The following LRAT variants were observed in gnomAD, a reference collection of about 807,000 sequenced individuals.
The protein encoded by LRAT is lecithin retinol acyltransferase.
In LRAT, 11 loss-of-function variants were observed where a neutral mutation model predicts 14.2. The ratio of observed to expected loss-of-function variants is 0.78; its 90% CI spans 0.49 to 1.29. LRAT has a LOEUF of 1.29. LRAT is among the 50% of genes most tolerant of loss of function. The pLI is 0.00. For synonymous variants in LRAT, 144 were observed against 124.8 expected (o/e 1.15, Z -1.03); for missense variants, 274 against 292.4 (o/e 0.94, Z 0.46).
Position 154,751,950 on chromosome 4 carries a change from C to G in LRAT, c.*2814C>G, listed in dbSNP as rs1438118907. ...GAAGTTTTTTCATGCTTATTTTATT[C>G]TTTGTCACAGATGAAAGAAGAATAG... On this transcript the variant is annotated 3_prime_UTR_variant, in exon 3 of 3. Transcript: ENST00000336356. 1 of 151,912 alleles carries G rather than the reference C, an allele frequency of 6.6e-6. No homozygotes were observed. Among genetic ancestry groups the G allele is most frequent in the Non-Finnish European group, 1.5e-5 (1 of 67,990 alleles). 9.4% of individuals were successfully genotyped at this position (151,912 alleles called of 1,614,324 possible).
rs1027617025 is a variant in LRAT at position 154,752,410 on chromosome 4, G to C, written c.*3274G>C. The C allele has an allele frequency of 6.6e-6, 1 of 152,334 alleles. No individual in the cohort carries two copies. The highest frequency in any genetic ancestry group is 1.5e-5 in the Non-Finnish European group (1 of 68,138). The allele number at this position is 152,334 out of a possible 1,614,324, so 9.4% of individuals were successfully genotyped here. ...GGTTCAGGGGCCAGCGCAGAGCAGA[G>C]TGCTGAGTAAAGATGTCAGAAAAGG... On this transcript the variant is annotated 3_prime_UTR_variant, in exon 3 of 3. Transcript: ENST00000336356.
rs745880790 is a variant in LRAT, at chr4:154,744,336, C to G, written c.10C>G (p.Pro4Ala). MKN[P>A]MLEVVSLLLE... ...CCCTCTTCCCTGCAGGATGAAGAAC[C>G]CCATGCTGGAGGTGGTGTCTTTACT... is the stretch of plus-strand genomic sequence containing the variant. Residue 4 changes from proline (P) to alanine (A), a missense_variant, in exon 2 of 3, where the codon CCC becomes GCC. Pro to Ala is a conservative substitution (Grantham distance 27). Coordinates refer to ENST00000336356, the MANE Select transcript of LRAT (RefSeq NM_004744.5). The G allele has an allele frequency of 6.2e-7, 1 of 1,614,010 alleles. No individual in the cohort carries two copies. The highest frequency in any genetic ancestry group is 1.3e-5 in the African/African-American group (1 of 74,952).
rs1732942440 is a variant in LRAT at position 154,749,228 on chromosome 4, G to A, written c.*92G>A. 2.2e-6 allele frequency: 3 copies of A among 1,364,822 alleles called. No individual in the cohort carries two copies. The highest frequency in any genetic ancestry group is 3.1e-6 in the Non-Finnish European group (3 of 957,576). The allele number at this position is 1,364,822 out of a possible 1,614,324, so 84.5% of individuals were successfully genotyped here. On this transcript the variant is annotated 3_prime_UTR_variant, in exon 3 of 3. Transcript: ENST00000336356. ...CAATATAAGCATTATTGAGAAAAAT[G>A]TGACCCGTAACACTGTGTTCTGGAT...
At position 154,749,449 on chromosome 4, in the gene LRAT, T is replaced by TC. The variant is rs878994023; in HGVS notation, c.*314dup. On this transcript the variant is annotated 3_prime_UTR_variant, in exon 3 of 3. Transcript: ENST00000336356. Reference sequence around the variant, plus strand: ...ACAAGAGATTAATTGTGTTTTTTTTTCTCCTGTAATCCTTGTACTGTTCGG... The same window carrying TC: ...ACAAGAGATTAATTGTGTTTTTTTTTCCTCCTGTAATCCTTGTACTGTTCGG... 16 of 345,022 alleles carry TC rather than the reference T, an allele frequency of 4.6e-5. No homozygotes were observed. Among genetic ancestry groups the TC allele is most frequent in the South Asian group, 3.7e-4 (13 of 35,188 alleles). The allele number at this position is 345,022 out of a possible 1,614,324, so 21.4% of individuals were successfully genotyped here. A position where few individuals can be genotyped will look rare whatever the true frequency, so the allele number is the denominator to read the frequency against.
In LRAT at chr4:154,749,143, ACCC is replaced by A; in HGVS notation, c.*10_*12del. The A allele has an allele frequency of 6.2e-7, 1 of 1,612,152 alleles. No homozygotes were observed. On this transcript the variant is annotated 3_prime_UTR_variant, in exon 3 of 3. Coordinates refer to ENST00000336356, the MANE Select transcript of LRAT (RefSeq NM_004744.5). Reference sequence around the variant, plus strand: ...CCTATGGATGGCTGGCTAACTTCATACCCCCATGTCAGTGTGTGTATTCTGTAT... The same window carrying A: ...CCTATGGATGGCTGGCTAACTTCATACCATGTCAGTGTGTGTATTCTGTAT...
In LRAT at chr4:154,749,257, A is replaced by G. The variant is rs981432561; in HGVS notation, c.*121A>G. 4.3e-6 allele frequency: 5 copies of G among 1,162,320 alleles called. No individual in the cohort carries two copies. In the African/African-American group the frequency reaches 4.5e-5, roughly 11 times the overall value. The allele number at this position is 1,162,320 out of a possible 1,614,324, so 72.0% of individuals were successfully genotyped here. On this transcript the variant is annotated 3_prime_UTR_variant, in exon 3 of 3. Transcript: ENST00000336356. ...CCCGTAACACTGTGTTCTGGATAAAAATGTGATTAGGAATCACGCAAAGTG... is the reference window on the plus strand; with the variant it reads ...CCCGTAACACTGTGTTCTGGATAAAGATGTGATTAGGAATCACGCAAAGTG...
intron 2 of LRAT, 99 bp downstream of exon 2, chr4:154,744,965 A>T: frequency 1.0e-6 from 1 of 994,954 alleles, no homozygotes; most frequent in Non-Finnish European, 1.5e-6. Flanking sequence ...TAATTCCTGG[A>T]CACCTCCCCT....
chr4:154,744,994 T>A, intron 2 of LRAT, 128 bp downstream of exon 2: 4 of 614,594 alleles, frequency 6.5e-6, no homozygotes, highest in Non-Finnish European at 7.9e-6. Flanking sequence ...CATACCATCC[T>A]TTTTCTTTTT....
At chr4:154,742,184 G>T (rs1250592116), upstream of LRAT, among the ~76,000 whole-genome samples, 1 of 152,240 alleles carries the variant, frequency 6.6e-6, no homozygotes, top group East Asian at 1.9e-4. Context: ...TCAGCAACTC[G>T]CCACCTGGGC....
In LRAT at chr4:154,750,429, C is replaced by G. The variant is rs567839864; in HGVS notation, c.*1293C>G. ...AAATTACCAAATTCTTAAAATGAAG[C>G]CACAGCTAGACTTGCATTTCAGGTA... On this transcript the variant is annotated 3_prime_UTR_variant, in exon 3 of 3. Transcript: ENST00000336356. The G allele has an allele frequency of 6.6e-6, 1 of 152,132 alleles. No individual in the cohort carries two copies. Among genetic ancestry groups the G allele is most frequent in the South Asian group, 2.1e-4 (1 of 4,812 alleles). 9.4% of individuals were successfully genotyped at this position (152,132 alleles called of 1,614,324 possible).
chr4:154,746,426 G>C (rs1259443333), intron 2 of LRAT, among the ~76,000 whole-genome samples: 1 of 152,192 alleles, frequency 6.6e-6, no homozygotes, highest in East Asian at 1.9e-4. Flanking sequence ...AGATTTTATA[G>C]AGCCACAAAA....
Position 154,751,072 on chromosome 4 carries a change from G to A in LRAT, c.*1936G>A, listed in dbSNP as rs1011111572. On this transcript the variant is annotated 3_prime_UTR_variant, in exon 3 of 3. Transcript: ENST00000336356. Reference sequence around the variant, plus strand: ...GAGTGTTCATTATATGCCAGGCATTGACCAGTTGCAATTTTATGGTCCAGA... The same window carrying A: ...GAGTGTTCATTATATGCCAGGCATTAACCAGTTGCAATTTTATGGTCCAGA... The A allele has an allele frequency of 1.3e-5, 2 of 152,146 alleles. No individual in the cohort carries two copies. The highest frequency in any genetic ancestry group is 2.4e-5 in the African/African-American group (1 of 41,428). 9.4% of individuals were successfully genotyped at this position (152,146 alleles called of 1,614,324 possible). A position where few individuals can be genotyped will look rare whatever the true frequency, so the allele number is the denominator to read the frequency against.
intron 1 of LRAT, 28 bp downstream of exon 1, chr4:154,744,250 G>A: frequency 6.7e-7 from 1 of 1,495,472 alleles, no homozygotes; most frequent in Admixed American, 1.7e-5. Context: ...ACCCCTGCCC[G>A]GCGAGCTTAA....
upstream of LRAT, among the ~76,000 whole-genome samples, chr4:154,742,074 G>T (rs570470504): frequency 3.0e-4 from 45 of 152,176 alleles, no homozygotes; most frequent in African/African-American, 1.1e-3. Context: ...TGCATTGAAC[G>T]TACACACCGA....
upstream of LRAT, among the ~76,000 whole-genome samples, chr4:154,741,652 A>G (rs1240074214): frequency 9.2e-5 from 14 of 152,170 alleles, no homozygotes; most frequent in Admixed American, 9.2e-4. Flanking sequence ...GCGGCCAGAA[A>G]GTGGACCCCA....
intron 2 of LRAT, among the ~76,000 whole-genome samples, chr4:154,746,895 AC>A (rs1207387264): frequency 6.6e-6 from 1 of 152,134 alleles, no homozygotes; most frequent in Admixed American, 6.5e-5. Context: ...GAATGGTCTA[AC>A]AAACAATTTG....
At chr4:154,741,037 T>C (rs1264423035), upstream of LRAT, 1 of 128,090 alleles carries the variant, frequency 7.8e-6, no homozygotes, top group Non-Finnish European at 1.5e-5. Flanking sequence ...AAAATATTAT[T>C]GGGGGCATAA....
Position 154,749,417 on chromosome 4 carries a change from G to A in LRAT, c.*281G>A, listed in dbSNP as rs181953559. 1.8e-3 allele frequency: 771 copies of A among 420,242 alleles called. 7 individuals are homozygous for A. The highest frequency in any genetic ancestry group is 0.015 in the African/African-American group (720 of 49,540). 26.0% of individuals were successfully genotyped at this position (420,242 alleles called of 1,614,324 possible). On this transcript the variant is annotated 3_prime_UTR_variant, in exon 3 of 3. Transcript: ENST00000336356. The stretch of plus-strand genomic sequence containing the variant: ...ATATGAGAAAACCAGCCCCTAAAAT[G>A]ATAGCCACAAGAGATTAATTGTGTT...
chr4:154,751,308 T>C lies in LRAT; in HGVS notation c.*2172T>C, dbSNP rs952720274. ...GAAAAGGAAACTAGGATGGTTTTAT[T>C]TGTGAAATGTTCTACAACGCTAGAA... On this transcript the variant is annotated 3_prime_UTR_variant, in exon 3 of 3. Coordinates refer to ENST00000336356, the MANE Select transcript of LRAT (RefSeq NM_004744.5). 3.3e-5 allele frequency: 5 copies of C among 152,198 alleles called. No homozygotes were observed. The highest frequency in any genetic ancestry group is 7.3e-5 in the Non-Finnish European group (5 of 68,042). 9.4% of individuals were successfully genotyped at this position (152,198 alleles called of 1,614,324 possible).
Sources: gnomAD v4.1 joint callset for allele counts (sites outside exome capture counted in the v4.1 genomes callset) on GRCh38, gnomAD v4.1.1 for gene constraint, MANE v1.5 for transcripts, NCBI Gene and HGNC (gene_info 2026-07-23, HGNC 2026-07-21) for gene names.